Variants in MYH15 observed in about 807,000 individuals in gnomAD.
The protein encoded by MYH15 is myosin-15.
MYH15 carries 227 observed loss-of-function variants against 240.5 expected under a neutral mutation model. The observed-to-expected ratio is 0.94, with a 90% CI of 0.85 to 1.05. The LOEUF is 1.05. Ranked by LOEUF, MYH15 falls within the 50% of genes least tolerant of loss-of-function variation. The pLI is 0.00. For synonymous variants in MYH15, 785 were observed against 796.7 expected (o/e 0.99, Z 0.25); for missense variants, 2,217 against 2,247.5 (o/e 0.99, Z 0.27).
chr3:108,524,884 T>C lies in MYH15; in HGVS notation c.-58+4379A>G, dbSNP rs575719495. 5.3e-5 allele frequency among the ~76,000 whole-genome samples: 8 copies of C among 152,134 alleles called. No individual in the cohort carries two copies. In the South Asian group the frequency reaches 1.7e-3, roughly 32 times the overall value. Reference sequence around the variant, plus strand: ...TTTCATTCCCCAGGTCAAGGCATGATTCAATATTCTGCTAGAGACCCAGCC... The same window carrying C: ...TTTCATTCCCCAGGTCAAGGCATGACTCAATATTCTGCTAGAGACCCAGCC... On this transcript the variant is annotated intron_variant, in intron 1 of 41. Coordinates refer to the MYH15 transcript ENST00000273353.
chr3:108,479,062 A>C (rs1185495964), intron 11 of MYH15, among the ~76,000 whole-genome samples: 1 of 152,192 alleles, frequency 6.6e-6, no homozygotes, highest in African/African-American at 2.4e-5. Flanking sequence ...CATGTTCCAA[A>C]AAGTAAATTA....
rs1339139446 is a variant in MYH15 at position 108,441,222 on chromosome 3, C to G, written c.2694G>C (p.Glu898Asp). Reference protein sequence around the residue: ...ETLANVEEQCEWLIKSKIQLE... With the variant: ...ETLANVEEQCDWLIKSKIQLE... ...GCTGGATCTTGGATTTAATCAGCCACTCGCACTGCTCTTCAACATTTGCCA... is the reference window on the plus strand; with the variant it reads ...GCTGGATCTTGGATTTAATCAGCCAGTCGCACTGCTCTTCAACATTTGCCA... Residue 898 changes from glutamate to aspartate, a missense_variant, in exon 23 of 41, where the codon GAG becomes GAC. Physicochemically the swap from Glu to Asp is conservative, Grantham distance 45 (BLOSUM62 2). Transcript: ENST00000693548. The G allele has an allele frequency of 6.2e-7, 1 of 1,614,118 alleles. No individual in the cohort carries two copies. The highest frequency in any genetic ancestry group is 2.2e-5 in the East Asian group (1 of 44,886).
intron 1 of MYH15, among the ~76,000 whole-genome samples, chr3:108,506,101 C>T (rs1166272147): frequency 2.0e-5 from 3 of 152,034 alleles, no homozygotes; most frequent in African/African-American, 4.8e-5. Flanking sequence ...TCCCAACACC[C>T]CTCCCAACCC....
the MYH15 span, among the ~76,000 whole-genome samples, chr3:108,548,147 A>T: frequency 6.6e-6 from 1 of 152,152 alleles, no homozygotes; most frequent in South Asian, 2.1e-4. Flanking sequence ...ATTTTAAGTT[A>T]AGTGGTACAA....
intron 21 of MYH15, among the ~76,000 whole-genome samples, chr3:108,446,751 AG>A (rs11344308): frequency 0.65 from 98,799 of 152,016 alleles, 33,704 homozygotes; most frequent in Non-Finnish European, 0.73. Flanking sequence ...GCCCAGTCAA[AG>A]CCAGTCCATA....
At chr3:108,460,120 G>GT (rs1247745971) in intron 17 of MYH15, among the ~76,000 whole-genome samples, 180 bp downstream of exon 17, 2 of 152,184 alleles carry the variant, frequency 1.3e-5, no homozygotes, top group Non-Finnish European at 2.9e-5. Flanking sequence ...TAAAGGGGAT[G>GT]TAAGTGGGAA....
intron 1 of MYH15, among the ~76,000 whole-genome samples, chr3:108,521,090 C>T (rs2083614830): frequency 1.3e-5 from 2 of 151,898 alleles, no homozygotes. Flanking sequence ...TAATTTTTAT[C>T]TCATACATCT....
At position 108,414,376 on chromosome 3, in the gene MYH15, A is replaced by C. The variant is rs769492679; in HGVS notation, c.4001T>G (p.Leu1334Arg). 8 of 1,614,076 alleles carry C rather than the reference A, an allele frequency of 5.0e-6. No individual in the cohort carries two copies. In the South Asian group the frequency reaches 8.8e-5, roughly 18 times the overall value. The change falls in exon 30 of 41, where the codon CTT becomes CGT. Residue 1334 changes from leucine to arginine, a missense_variant. Transcript: ENST00000693548. ...TTCTTCCTCATACTGCTCTCGTAGA[A>C]GGTCACAGTCACGCTGAGCCTTCTG... ...ALQKAQRDCD[L>R]LREQYEEEQE...
At position 108,391,771 on chromosome 3, in the gene MYH15, G is replaced by A. The variant is rs200687966; in HGVS notation, c.5419C>T (p.Leu1807=). 1.2e-6 allele frequency: 2 copies of A among 1,613,530 alleles called. No individual in the cohort carries two copies. Among genetic ancestry groups the A allele is most frequent in the Non-Finnish European group, 1.7e-6 (2 of 1,179,868 alleles). Residue 1807 remains leucine, a synonymous_variant, in exon 37 of 41, where the codon CTA becomes TTA. Coordinates refer to ENST00000693548, the MANE Select transcript of MYH15 (RefSeq NM_014981.3). ...LMGSRKQIQK[L]ESRVRELEGE... Reference sequence around the variant, plus strand: ...ACCCAGACTCCTACCCTGGATTCTAGTTTCTGGATTTGCTTTCTACTCCCC... The same window carrying A: ...ACCCAGACTCCTACCCTGGATTCTAATTTCTGGATTTGCTTTCTACTCCCC...
At chr3:108,447,783 G>A (rs1190300081) in intron 21 of MYH15, among the ~76,000 whole-genome samples, 1 of 152,002 alleles carries the variant, frequency 6.6e-6, no homozygotes, top group African/African-American at 2.4e-5. Flanking sequence ...ATATAAAAGT[G>A]TAAAACTCAC....
At position 108,444,644 on chromosome 3, in the gene MYH15, T is replaced by C. The variant is rs1301495884; in HGVS notation, c.2651A>G (p.Gln884Arg). Residue 884 changes from glutamine to arginine, a missense_variant, in exon 22 of 41, where the codon CAG becomes CGG. Coordinates refer to ENST00000693548, the MANE Select transcript of MYH15 (RefSeq NM_014981.3). ...QEKNDLILQL[Q>R]AEQETLANVE... ...ACAAATGGTGGGGCTACTCACAGCC[T>C]GAAGCTGAAGAATCAGGTCATTTTT... 1 of 1,613,972 alleles carries C rather than the reference T, an allele frequency of 6.2e-7. No homozygotes were observed.
chr3:108,453,861 T>C (rs2082996653), intron 21 of MYH15, 145 bp downstream of exon 21: 1 of 740,492 alleles, frequency 1.4e-6, no homozygotes, highest in Admixed American at 2.7e-5. Context: ...TCTGTCCTTT[T>C]GTTATCTCAT....
chr3:108,418,416 G>A (rs2082652471), intron 28 of MYH15, among the ~76,000 whole-genome samples: 1 of 152,168 alleles, frequency 6.6e-6, no homozygotes, highest in Non-Finnish European at 1.5e-5. Flanking sequence ...TTACCAGTAT[G>A]TTTTAGTGCT....
chr3:108,476,589 T>C, intron 11 of MYH15, 74 bp from the exon 12 acceptor site: 1 of 953,874 alleles, frequency 1.0e-6, no homozygotes, highest in South Asian at 1.3e-5. Flanking sequence ...ATAGCCAAAC[T>C]AACTACCCAG....
chr3:108,437,832 T>A, intron 24 of MYH15, 133 bp from the exon 25 acceptor site: 1 of 906,218 alleles, frequency 1.1e-6, no homozygotes, highest in Non-Finnish European at 1.6e-6. Flanking sequence ...CCCAGTAACA[T>A]AGATATTTCC....
chr3:108,439,952 T>G lies in MYH15; in HGVS notation c.2899-39A>C, dbSNP rs761745552. On this transcript the variant is annotated intron_variant, in intron 23 of 40. Transcript: ENST00000693548. ...ATGACAGCTTCATTAAAGCCACTGC[T>G]GGAAAGTTGGGCATAACACTGAGGG... 2.7e-6 allele frequency: 4 copies of G among 1,499,762 alleles called. No homozygotes were observed. The African/African-American group carries it at 4.2e-5, about 16-fold the overall frequency. 92.9% of individuals were successfully genotyped at this position (1,499,762 alleles called of 1,614,324 possible). A position where few individuals can be genotyped will look rare whatever the true frequency, so the allele number is the denominator to read the frequency against.
At position 108,391,950 on chromosome 3, in the gene MYH15, G is replaced by C; in HGVS notation, c.5260-20C>G. On this transcript the variant is annotated intron_variant, in intron 36 of 40. Transcript: ENST00000693548. ...TGCTGCCTAGGGGGTTAAAAAAAGG[G>C]ACTGAGCTAGTTCAGCAGTCAATTG... The C allele has an allele frequency of 1.2e-6, 2 of 1,611,686 alleles. No homozygotes were observed. Among genetic ancestry groups the C allele is most frequent in the Non-Finnish European group, 8.5e-7 (1 of 1,178,972 alleles).
intron 6 of MYH15, among the ~76,000 whole-genome samples, chr3:108,497,713 A>G (rs1287481760): frequency 6.6e-6 from 1 of 152,174 alleles, no homozygotes; most frequent in Non-Finnish European, 1.5e-5. Context: ...AAAGGGATTC[A>G]GAAATATCCA....
intron 16 of MYH15, among the ~76,000 whole-genome samples, chr3:108,461,485 A>T (rs184662120): frequency 1.2e-3 from 185 of 152,112 alleles, no homozygotes; most frequent in Admixed American, 1.8e-3. Flanking sequence ...AGAATTATTT[A>T]AAAAAAAGGC....
Sources: allele counts gnomAD v4.1 joint callset (sites outside exome capture counted in the v4.1 genomes callset), GRCh38; gene constraint gnomAD v4.1.1; transcripts MANE v1.5; gene names NCBI Gene and HGNC (gene_info 2026-07-23, HGNC 2026-07-21).